The following DIAPH2 variants were observed in gnomAD, a reference collection of about 807,000 sequenced individuals.
The protein encoded by DIAPH2 is diaphanous related formin 2.
DIAPH2 carries 35 observed loss-of-function variants against 92.7 expected under a neutral mutation model. That is an observed-to-expected ratio of 0.38 (90% CI 0.29 to 0.50). The LOEUF is 0.50. Among genes scored for constraint, DIAPH2 ranks in the 20% least tolerant of loss-of-function variants. The pLI, the probability that DIAPH2 is intolerant of heterozygous loss-of-function variation, is 0.94. For missense variants in DIAPH2, 701 were observed against 819.5 expected, an observed-to-expected ratio of 0.86 and a Z score of 1.77; for synonymous variants, 301 against 280.4, an observed-to-expected ratio of 1.07 and a Z score of -0.73.
intron 24 of DIAPH2, among the ~76,000 whole-genome samples, chrX:97,361,317 T>G (rs2069323589): frequency 9.0e-6 from 1 of 111,712 alleles, no homozygotes; most frequent in Admixed American, 9.5e-5. Flanking sequence ...CAAAATATGT[T>G]TTAGGTAACT....
chrX:97,489,479 A>G (rs1364879983), intron 26 of DIAPH2, among the ~76,000 whole-genome samples: 1 of 110,602 alleles, frequency 9.0e-6, no homozygotes, highest in Non-Finnish European at 1.9e-5. Flanking sequence ...TACTATCTTG[A>G]ATATAAATGG....
At chrX:97,410,171 A>G (rs763969690) in intron 25 of DIAPH2, among the ~76,000 whole-genome samples, 38 of 111,724 alleles carry the variant, frequency 3.4e-4, no homozygotes, top group African/African-American at 1.2e-3. Flanking sequence ...AAGCTTCCAG[A>G]GGAAGGATCA....
chrX:97,373,948 G>A (rs1310110140), intron 24 of DIAPH2, among the ~76,000 whole-genome samples: 3 of 111,103 alleles, frequency 2.7e-5, no homozygotes, highest in Non-Finnish European at 5.7e-5. Context: ...TAAAGATGAG[G>A]AGCGAGGGAG....
At chrX:96,958,279 T>G in intron 16 of DIAPH2, 131 bp downstream of exon 16, 5 of 730,588 alleles carry the variant, frequency 6.8e-6, no homozygotes, top group Non-Finnish European at 9.3e-6. Flanking sequence ...TCATTTTATG[T>G]CCATCTTTCA....
chrX:96,885,047 G>A (rs748114324), intron 5 of DIAPH2: 1 of 1,210,852 alleles, frequency 8.3e-7, no homozygotes, highest in Non-Finnish European at 1.1e-6. Context: ...ACCGTTGAGG[G>A]CCACATCTAT....
At chrX:97,005,802 G>A (rs1054116255) in intron 17 of DIAPH2, among the ~76,000 whole-genome samples, 1 of 111,191 alleles carries the variant, frequency 9.0e-6, no homozygotes, top group Non-Finnish European at 1.9e-5. Flanking sequence ...GCCTCCCAAA[G>A]TGCTGGGATT....
intron 22 of DIAPH2, among the ~76,000 whole-genome samples, chrX:97,242,843 G>A (rs2068107985): frequency 1.8e-5 from 2 of 109,944 alleles, no homozygotes; most frequent in Admixed American, 2.0e-4. Flanking sequence ...CTGGAGTGCA[G>A]TGGTGGGATC....
intron 21 of DIAPH2, among the ~76,000 whole-genome samples, chrX:97,121,204 G>C (rs1176797921): frequency 8.9e-6 from 1 of 112,163 alleles, no homozygotes; most frequent in Non-Finnish European, 1.9e-5. Context: ...GTATTGTTCA[G>C]CTTGGACTGA....
intron 26 of DIAPH2, among the ~76,000 whole-genome samples, chrX:97,507,141 C>CAAAAAAAAAAAAAAAAAAAAAAAAAAA: frequency 3.2e-5 from 1 of 31,131 alleles, no homozygotes; most frequent in African/African-American, 1.4e-4. Flanking sequence ...ACAAAACCGA[C>CAAAAAAAAAAAAAAAAAAAAAAAAAAA]AAAAAAAAAA....
At chrX:97,124,950 G>T (rs1308264300) in intron 21 of DIAPH2, among the ~76,000 whole-genome samples, 1 of 111,216 alleles carries the variant, frequency 9.0e-6, no homozygotes, top group Non-Finnish European at 1.9e-5. Context: ...AAGGACCAAG[G>T]AAAATAAAAT....
intron 4 of DIAPH2, among the ~76,000 whole-genome samples, chrX:96,829,454 TATATATAA>T (rs143135063): frequency 0.18 from 12,932 of 73,034 alleles, 647 homozygotes; most frequent in East Asian, 0.42. Context: ...TATATATATA[TATATATAA>T]AACAAGGCAA....
chrX:97,030,899 A>G (rs1453616703), intron 17 of DIAPH2, among the ~76,000 whole-genome samples: 1 of 111,979 alleles, frequency 8.9e-6, no homozygotes, highest in Non-Finnish European at 1.9e-5. Context: ...AATTGTAGTG[A>G]GTAGAAACAT....
In DIAPH2 at chrX:97,005,916, T is replaced by C. The variant is rs1260097300; in HGVS notation, c.2050+40709T>C. ...ATTTATTTGAAGTTTTTCTTTTTTT[T>C]TTTTTTTTTTTTGATGTAGGAGGTT... On this transcript the variant is annotated intron_variant, in intron 17 of 26. Coordinates refer to ENST00000324765, the MANE Select transcript of DIAPH2 (RefSeq NM_006729.5). Among the ~76,000 whole-genome samples the C allele has an allele frequency of 2.8e-5, 3 of 106,956 alleles. No individual in the cohort carries two copies. The East Asian group carries it at 8.7e-4, about 31-fold the overall frequency. 92.9% of individuals were successfully genotyped at this position (106,956 alleles called of 115,157 possible). A position where few individuals can be genotyped will look rare whatever the true frequency, so the allele number is the denominator to read the frequency against.
chrX:97,546,459 C>T (rs2071181981), intron 26 of DIAPH2, among the ~76,000 whole-genome samples: 1 of 111,356 alleles, frequency 9.0e-6, no homozygotes, highest in African/African-American at 3.3e-5. Context: ...TACACAGTAC[C>T]ATCACGTACC....
chrX:97,253,016 C>T (rs1257822542), intron 23 of DIAPH2, among the ~76,000 whole-genome samples: 1 of 111,478 alleles, frequency 9.0e-6, no homozygotes, highest in East Asian at 2.8e-4. Context: ...GGGCCGGGTG[C>T]AATGGCTCAC....
In DIAPH2 at chrX:97,299,613, C is replaced by T. The variant is rs768366027; in HGVS notation, c.2845-48503C>T. On this transcript the variant is annotated intron_variant, in intron 23 of 26. Coordinates refer to ENST00000324765, the MANE Select transcript of DIAPH2 (RefSeq NM_006729.5). ...ACCAAAGAAGATCTTGAACCTCAGA[C>T]ATCTGATATAAAGTTATTCCAGTGT... Among the ~76,000 whole-genome samples, 24 of 112,284 alleles carry T rather than the reference C, an allele frequency of 2.1e-4. No individual in the cohort carries two copies. The South Asian group carries it at 7.7e-3, about 36-fold the overall frequency.
chrX:96,959,758 C>A (rs765647927), intron 16 of DIAPH2, among the ~76,000 whole-genome samples: 1 of 111,342 alleles, frequency 9.0e-6, no homozygotes, highest in East Asian at 2.8e-4. Context: ...AGGTCTTATG[C>A]TTAAGTCTTT....
intron 25 of DIAPH2, among the ~76,000 whole-genome samples, chrX:97,384,805 A>G (rs1306915878): frequency 9.1e-6 from 1 of 110,409 alleles, no homozygotes; most frequent in Non-Finnish European, 1.9e-5. Context: ...GGCGGAGGCT[A>G]CAGTGATCCA....
intron 9 of DIAPH2, among the ~76,000 whole-genome samples, chrX:96,927,332 G>A (rs2065590242): frequency 1.0e-5 from 1 of 99,334 alleles, no homozygotes; most frequent in Admixed American, 1.1e-4. Context: ...CATTGTTAGA[G>A]GACAATAGAG....
Sources: gnomAD v4.1 joint callset for allele counts (sites outside exome capture counted in the v4.1 genomes callset) on GRCh38, gnomAD v4.1.1 for gene constraint, MANE v1.5 for transcripts, NCBI Gene and HGNC (gene_info 2026-07-23, HGNC 2026-07-21) for gene names.